Variants in ABCA9 observed in about 807,000 individuals in gnomAD.
ABCA9 encodes the protein ATP binding cassette subfamily A member 9, also known as ATP-binding cassette sub-family A member 9.
In ABCA9, 183 loss-of-function variants were observed where a neutral mutation model predicts 205.3. That is an observed-to-expected ratio of 0.89 (90% CI 0.79 to 1.01). ABCA9 has a LOEUF of 1.01. Ranked by LOEUF, ABCA9 falls within the 50% of genes least tolerant of loss-of-function variation. The probability of loss-of-function intolerance (pLI) is 0.00; values close to 1 mark genes in which losing one functional copy is unlikely to be tolerated. For missense variants in ABCA9, 1,805 were observed against 1,912.4 expected, an observed-to-expected ratio of 0.94 and a Z score of 1.05; for synonymous variants, 651 against 683.3, an observed-to-expected ratio of 0.95 and a Z score of 0.74.
chr17:68,980,928 TAA>T lies in ABCA9; in HGVS notation c.4720+1632_4720+1633del, dbSNP rs57616315. Among the ~76,000 whole-genome samples, 1,041 of 126,428 alleles carry T rather than the reference TAA, an allele frequency of 8.2e-3. 1 individual carries two copies. The highest frequency in any genetic ancestry group is 0.043 in the Middle Eastern group (11 of 254). The allele number at this position is 126,428 out of a possible 152,430, so 82.9% of individuals were successfully genotyped here. On this transcript the variant is annotated intron_variant, in intron 37 of 38. Coordinates refer to ENST00000340001, the MANE Select transcript of ABCA9 (RefSeq NM_080283.4). ...TTGAAGTATAATAATATAAAAAAAC[TAA>T]AAAAAAAAAAAAGGAAGGAAATCGT...
chr17:69,076,621 G>C, the ABCA9 span, among the ~76,000 whole-genome samples: 1 of 152,242 alleles, frequency 6.6e-6, no homozygotes, highest in South Asian at 2.1e-4. Flanking sequence ...ATAGAATTCA[G>C]TTGTGAATCC....
chr17:69,017,964 G>T, intron 20 of ABCA9, 175 bp from the exon 21 acceptor site: 1 of 596,696 alleles, frequency 1.7e-6, no homozygotes, highest in Non-Finnish European at 2.8e-6. Context: ...TCATAGGTAT[G>T]ACAAGGTTAC....
At chr17:69,018,357 G>A in intron 20 of ABCA9, 56 bp downstream of exon 20, 2 of 1,369,604 alleles carry the variant, frequency 1.5e-6, no homozygotes, top group Non-Finnish European at 1.9e-6. Flanking sequence ...TGTTTTTTGG[G>A]GGGAATCTCT....
At chr17:69,012,119 T>A in intron 22 of ABCA9, 36 bp from the exon 23 acceptor site, 1 of 1,434,628 alleles carries the variant, frequency 7.0e-7, no homozygotes, top group African/African-American at 1.4e-5. Context: ...CTGATGGCGA[T>A]TGGGCATCTG....
chr17:69,016,413 T>C, intron 21 of ABCA9, 23 bp from the exon 22 acceptor site: 1 of 1,553,206 alleles, frequency 6.4e-7, no homozygotes, highest in Non-Finnish European at 8.6e-7. Flanking sequence ...AAGTACCAAT[T>C]CGAAGTCTTC....
chr17:69,041,521 T>A (rs747894803), intron 6 of ABCA9, among the ~76,000 whole-genome samples: 1 of 151,984 alleles, frequency 6.6e-6, no homozygotes, highest in Non-Finnish European at 1.5e-5. Flanking sequence ...CTGGCCAACA[T>A]AGTGAAACTC....
Position 68,990,946 on chromosome 17 carries a change from C to G in ABCA9, c.3728G>C (p.Arg1243Thr), listed in dbSNP as rs368464085. ...RKDPVFRISP[R>T]SNAIFPNPEE... ...TGGGTTTGGAAAAATAGCGTTGCTT[C>G]TTGGAGAAATTCTGAAATCAAAACA... Residue 1243 changes from arginine (R) to threonine (T), a missense_variant, in exon 29 of 39, where the codon AGA becomes ACA. Transcript: ENST00000340001. 7 of 1,608,946 alleles carry G rather than the reference C, an allele frequency of 4.4e-6. No homozygotes were observed. Among genetic ancestry groups the G allele is most frequent in the Non-Finnish European group, 5.9e-6 (7 of 1,178,852 alleles).
chr17:69,055,669 T>TTAAATA (rs2072047462), intron 1 of ABCA9, among the ~76,000 whole-genome samples: 1 of 152,040 alleles, frequency 6.6e-6, no homozygotes, highest in African/African-American at 2.4e-5. Context: ...TTGGGTAAAA[T>TTAAATA]GAACATTTCT....
At chr17:68,986,069 G>A (rs1455844784) in intron 32 of ABCA9, 95 bp downstream of exon 32, 1 of 1,279,712 alleles carries the variant, frequency 7.8e-7, no homozygotes, top group Non-Finnish European at 1.1e-6. Flanking sequence ...CAAGCATGGG[G>A]TCATCAATTA....
At chr17:68,980,205 C>T (rs2069004720) in intron 37 of ABCA9, among the ~76,000 whole-genome samples, 1 of 151,978 alleles carries the variant, frequency 6.6e-6, no homozygotes, top group African/African-American at 2.4e-5. Flanking sequence ...CACTGGCCAT[C>T]AGAGAAATGC....
chr17:68,994,931 T>C (rs2069568039), intron 26 of ABCA9, among the ~76,000 whole-genome samples: 2 of 152,188 alleles, frequency 1.3e-5, no homozygotes, highest in South Asian at 2.1e-4. Context: ...TATTCATTTA[T>C]TCTTGAATTT....
the ABCA9 span, among the ~76,000 whole-genome samples, chr17:69,072,772 C>A: frequency 6.6e-6 from 1 of 152,166 alleles, no homozygotes; most frequent in African/African-American, 2.4e-5. Flanking sequence ...TGTAAACAGG[C>A]TAAATGCCCC....
intron 31 of ABCA9, among the ~76,000 whole-genome samples, chr17:68,988,251 T>A (rs1457432261): frequency 6.6e-6 from 1 of 152,200 alleles, no homozygotes; most frequent in Non-Finnish European, 1.5e-5. Context: ...TTGGCTTCTG[T>A]CCATCATTTT....
intron 16 of ABCA9, among the ~76,000 whole-genome samples, chr17:69,025,828 G>A (rs1044108206): frequency 1.3e-5 from 2 of 152,038 alleles, no homozygotes; most frequent in African/African-American, 4.8e-5. Flanking sequence ...CTTGTCAAAG[G>A]GGAATAACAA....
chr17:69,013,070 A>G (rs1374549663), intron 22 of ABCA9, among the ~76,000 whole-genome samples: 3 of 151,772 alleles, frequency 2.0e-5, no homozygotes, highest in Admixed American at 1.3e-4. Context: ...TTATGGCTGA[A>G]TAGTACTCCA....
intron 19 of ABCA9, among the ~76,000 whole-genome samples, chr17:69,019,053 T>G (rs2070731649): frequency 6.6e-6 from 1 of 152,156 alleles, no homozygotes; most frequent in Admixed American, 6.6e-5. Flanking sequence ...CCCTTAAGTT[T>G]ATTTTCTAAT....
intron 31 of ABCA9, among the ~76,000 whole-genome samples, chr17:68,988,081 G>A (rs1434879975): frequency 2.0e-5 from 3 of 152,138 alleles, no homozygotes; most frequent in South Asian, 2.1e-4. Context: ...GCATTTTTAA[G>A]GACTGTTCTT....
In ABCA9 at chr17:69,017,734, T is replaced by C. The variant is rs2070670547; in HGVS notation, c.2823A>G (p.Glu941=). 1.2e-6 allele frequency: 2 copies of C among 1,613,372 alleles called. No homozygotes were observed. The highest frequency in any genetic ancestry group is 1.7e-6 in the Non-Finnish European group (2 of 1,179,548). ...CATTTCTAGTTCCAAAGGCATCCAC[T>C]TCTATAGCTATGTTCTGTCGCCTCA... is the stretch of plus-strand genomic sequence containing the variant. The part of the protein sequence containing the change: ...HSLRRQNIAI[E]VDAFGTRNGT... Residue 941 remains glutamate, a synonymous_variant, in exon 21 of 39, where the codon GAA becomes GAG. Transcript: ENST00000340001.
intron 37 of ABCA9, among the ~76,000 whole-genome samples, chr17:68,981,831 TTC>T (rs2069062488): frequency 1.7e-5 from 2 of 117,560 alleles, no homozygotes; most frequent in Admixed American, 9.1e-5. Flanking sequence ...GGAAAACTCT[TTC>T]TCAAAAAAAA....
Sources: gnomAD v4.1 joint callset for allele counts (sites outside exome capture counted in the v4.1 genomes callset) on GRCh38, gnomAD v4.1.1 for gene constraint, MANE v1.5 for transcripts, NCBI Gene and HGNC (gene_info 2026-07-23, HGNC 2026-07-21) for gene names.